The following CD2 variants were observed in gnomAD, a reference collection of about 807,000 sequenced individuals.
CD2 encodes the protein CD2 molecule.
A neutral mutation model predicts 23.2 loss-of-function variants in CD2; 18 were observed. The ratio of observed to expected loss-of-function variants is 0.77; its 90% CI spans 0.54 to 1.15. CD2 has a LOEUF of 1.15. Ranked by LOEUF, CD2 falls within the 50% of genes most tolerant of loss-of-function variation. The pLI is 0.00. For missense variants in CD2, 424 were observed against 423.1 expected, an observed-to-expected ratio of 1.00 and a Z score of -0.02; for synonymous variants, 162 against 151.9, an observed-to-expected ratio of 1.07 and a Z score of -0.49.
In CD2 at chr1:116,768,885, T is replaced by C. The variant is rs1652308315; in HGVS notation, c.*102T>C. 19 of 1,179,878 alleles carry C rather than the reference T, an allele frequency of 1.6e-5. No homozygotes were observed. The highest frequency in any genetic ancestry group is 3.1e-5 in the African/African-American group (2 of 64,624). The allele number at this position is 1,179,878 out of a possible 1,614,324, so 73.1% of individuals were successfully genotyped here. A position where few individuals can be genotyped will look rare whatever the true frequency, so the allele number is the denominator to read the frequency against. On this transcript the variant is annotated 3_prime_UTR_variant, in exon 5 of 5. Coordinates refer to ENST00000369478, the MANE Select transcript of CD2 (RefSeq NM_001767.5). ...TGAGGTGTTTTCTGTGTGCAGAACA[T>C]TGTCACCTCCTGAGGCTGTGGGCCA...
At position 116,768,486 on chromosome 1, in the gene CD2, C is replaced by T; in HGVS notation, c.759C>T (p.Ala253=). The change falls in exon 5 of 5, where the codon GCC becomes GCT. Residue 253 remains alanine (A), a synonymous_variant. Transcript: ENST00000369478. ...CAGATGAGGAGCTGGAGACAAGAGC[C>T]CACAGAGTAGCTACTGAAGAAAGGG... ...RRNDEELETR[A]HRVATEERGR... is the part of the protein sequence containing the mutation. The T allele has an allele frequency of 2.5e-6, 4 of 1,613,942 alleles. No homozygotes were observed. Among genetic ancestry groups the T allele is most frequent in the Non-Finnish European group, 3.4e-6 (4 of 1,179,896 alleles).
rs778678941 is a variant in CD2 at position 116,754,867 on chromosome 1, G to A, written c.298G>A (p.Asp100Asn). Reference sequence around the variant, plus strand: ...TCTGAAAATTAAGCATCTGAAGACCGATGATCAGGATATCTACAAGGTATC... The same window carrying A: ...TCTGAAAATTAAGCATCTGAAGACCAATGATCAGGATATCTACAAGGTATC... Reference protein sequence around the residue: ...GTLKIKHLKTDDQDIYKVSIY... With the variant: ...GTLKIKHLKTNDQDIYKVSIY... Residue 100 changes from aspartate (D) to asparagine (N), a missense_variant, in exon 2 of 5, where the codon GAT becomes AAT. Asp to Asn is a conservative substitution (Grantham distance 23). Transcript: ENST00000369478. 19 of 1,612,230 alleles carry A rather than the reference G, an allele frequency of 1.2e-5. No homozygotes were observed. The highest frequency in any genetic ancestry group is 2.2e-5 in the South Asian group (2 of 91,014).
rs536233911 is a variant in CD2 at position 116,764,320 on chromosome 1, A to G, written c.614-164A>G. Reference sequence around the variant, plus strand: ...CTTCCCAAGGACCTTGGGTCCTTCCAGGGTTGACACCACTCACCACCCTCT... The same window carrying G: ...CTTCCCAAGGACCTTGGGTCCTTCCGGGGTTGACACCACTCACCACCCTCT... On this transcript the variant is annotated intron_variant, in intron 3 of 4. Transcript: ENST00000369478. The G allele has an allele frequency of 1.8e-5, 12 of 675,954 alleles. No individual in the cohort carries two copies. In the South Asian group the frequency reaches 5.9e-4, roughly 33 times the overall value. 41.9% of individuals were successfully genotyped at this position (675,954 alleles called of 1,614,324 possible). A position where few individuals can be genotyped will look rare whatever the true frequency, so the allele number is the denominator to read the frequency against.
chr1:116,765,618 C>CCA (rs1022414784), intron 4 of CD2, among the ~76,000 whole-genome samples: 3 of 152,204 alleles, frequency 2.0e-5, no homozygotes, highest in African/African-American at 7.2e-5. Flanking sequence ...TTCTTCCCAC[C>CCA]ACGACTGTCC....
At chr1:116,754,582 C>T (rs768204764) in intron 1 of CD2, 29 bp downstream of exon 1, 1 of 1,610,550 alleles carries the variant, frequency 6.2e-7, no homozygotes, top group Non-Finnish European at 8.5e-7. Context: ...GAAGTCCCAA[C>T]CCAGCTTTCC....
chr1:116,761,428 A>G (rs1013536036), intron 3 of CD2, among the ~76,000 whole-genome samples: 13 of 152,200 alleles, frequency 8.5e-5, no homozygotes, highest in Non-Finnish European at 4.4e-5. Flanking sequence ...TTCACAGACT[A>G]TTAGATGAGT....
Position 116,754,508 on chromosome 1 carries a change from A to G in CD2, c.16A>G (p.Lys6Glu), listed in dbSNP as rs1469572192. MSFPC[K>E]FVASFLLIFN... ...AACCCCTAAGATGAGCTTTCCATGT[A>G]AATTTGTAGCCAGCTTCCTTCTGAT... Residue 6 changes from lysine to glutamate, a missense_variant, in exon 1 of 5, where the codon AAA becomes GAA. Transcript: ENST00000369478. The G allele has an allele frequency of 1.9e-5, 31 of 1,613,940 alleles. No individual in the cohort carries two copies. Among genetic ancestry groups the G allele is most frequent in the Non-Finnish European group, 2.5e-5 (30 of 1,179,994 alleles).
intron 3 of CD2, among the ~76,000 whole-genome samples, chr1:116,764,013 A>G (rs1171335024): frequency 1.3e-5 from 2 of 152,108 alleles, no homozygotes; most frequent in Non-Finnish European, 2.9e-5. Context: ...GGGGGTAGCC[A>G]GAGACGAGAG....
At position 116,760,475 on chromosome 1, in the gene CD2, T is replaced by C. The variant is rs776714889; in HGVS notation, c.456T>C (p.Thr152=). 1 of 1,614,250 alleles carries C rather than the reference T, an allele frequency of 6.2e-7. No individual in the cohort carries two copies. Among genetic ancestry groups the C allele is most frequent in the Admixed American group, 1.7e-5 (1 of 60,032 alleles). The change falls in exon 3 of 5, where the codon ACT becomes ACC. Residue 152 remains threonine, a synonymous_variant. Coordinates refer to ENST00000369478, the MANE Select transcript of CD2 (RefSeq NM_001767.5). The part of the protein sequence containing the change: ...TTLTCEVMNG[T]DPELNLYQDG... ...TGACCTGTGAGGTAATGAATGGAAC[T>C]GACCCCGAATTAAACCTGTATCAAG...
rs779845333 is a variant in CD2, at chr1:116,768,577, C to T, written c.850C>T (p.Pro284Ser). Residue 284 changes from proline to serine, a missense_variant, in exon 5 of 5, where the codon CCA (proline) becomes TCA (serine). Transcript: ENST00000369478. ...TCCAGCAACTTCCCAACATCCTCCT[C>T]CACCACCTGGTCATCGTTCCCAGGC... Reference protein sequence around the residue: ...QNPATSQHPPPPPGHRSQAPS... With the variant: ...QNPATSQHPPSPPGHRSQAPS... 3.2e-5 allele frequency: 52 copies of T among 1,614,018 alleles called. No homozygotes were observed. In the South Asian group the frequency reaches 4.8e-4, roughly 15 times the overall value.
chr1:116,757,773 AGAGG>A (rs200422966), intron 2 of CD2, among the ~76,000 whole-genome samples: 2,148 of 151,676 alleles, frequency 0.014, 21 homozygotes, highest in Middle Eastern at 0.041. Flanking sequence ...AGAGAGAGAG[AGAGG>A]CAGACAGAAA....
chr1:116,765,581 C>T (rs926367532), intron 4 of CD2, among the ~76,000 whole-genome samples: 15 of 152,072 alleles, frequency 9.9e-5, no homozygotes, highest in South Asian at 2.1e-4. Flanking sequence ...GCCCAGGCCC[C>T]GAAACATCAT....
chr1:116,760,461 G>A lies in CD2; in HGVS notation c.442G>A (p.Val148Ile), dbSNP rs760869613. The A allele has an allele frequency of 4.3e-6, 7 of 1,614,068 alleles. No homozygotes were observed. Among genetic ancestry groups the A allele is most frequent in the Middle Eastern group, 1.6e-4 (1 of 6,084 alleles). Residue 148 changes from valine (V) to isoleucine (I), a missense_variant, in exon 3 of 5, where the codon GTA becomes ATA. Val to Ile is a conservative substitution (Grantham distance 29, BLOSUM62 3). Transcript: ENST00000369478. ...TATCAACACAACCCTGACCTGTGAG[G>A]TAATGAATGGAACTGACCCCGAATT... ...TCINTTLTCEVMNGTDPELNL... is the reference protein window; with the variant it reads ...TCINTTLTCEIMNGTDPELNL...
At chr1:116,762,244 A>T (rs1214750143) in intron 3 of CD2, among the ~76,000 whole-genome samples, 1 of 152,206 alleles carries the variant, frequency 6.6e-6, no homozygotes, top group African/African-American at 2.4e-5. Flanking sequence ...TTTATCTGAA[A>T]TTCAAATTTA....
chr1:116,764,364 G>A, intron 3 of CD2, 120 bp from the exon 4 acceptor site: 2 of 1,443,626 alleles, frequency 1.4e-6, no homozygotes, highest in Non-Finnish European at 1.8e-6. Flanking sequence ...GGGAGTTATG[G>A]GGTGAAAGGT....
rs749451128 is a variant in CD2 at position 116,754,442 on chromosome 1, G to C, written c.-51G>C. The C allele has an allele frequency of 1.3e-6, 2 of 1,532,578 alleles. No individual in the cohort carries two copies. The highest frequency in any genetic ancestry group is 1.7e-5 in the Admixed American group (1 of 57,408). 94.9% of individuals were successfully genotyped at this position (1,532,578 alleles called of 1,614,324 possible). On this transcript the variant is annotated 5_prime_UTR_variant, in exon 1 of 5. Transcript: ENST00000369478. Reference sequence around the variant, plus strand: ...TGTGGACTCCACCAGTCTCACTTCAGTTCCTTTTGCATGAAGAGCTCAGAA... The same window carrying C: ...TGTGGACTCCACCAGTCTCACTTCACTTCCTTTTGCATGAAGAGCTCAGAA...
chr1:116,758,143 T>C (rs1313291506), intron 2 of CD2, among the ~76,000 whole-genome samples: 2 of 151,994 alleles, frequency 1.3e-5, no homozygotes, highest in African/African-American at 4.8e-5. Context: ...ATATTATTCA[T>C]TATTGACTTT....
chr1:116,755,039 T>G, intron 2 of CD2, 88 bp downstream of exon 2: 1 of 885,956 alleles, frequency 1.1e-6, no homozygotes, highest in Non-Finnish European at 1.7e-6. Context: ...TCCCCAGCGC[T>G]GACCTCTGCC....
chr1:116,758,536 C>A (rs1455142020), intron 2 of CD2, among the ~76,000 whole-genome samples: 1 of 152,126 alleles, frequency 6.6e-6, no homozygotes, highest in Non-Finnish European at 1.5e-5. Context: ...CCTAGTCCTG[C>A]AACCTTGAGT....
Sources: gnomAD v4.1 joint callset for allele counts (sites outside exome capture counted in the v4.1 genomes callset) on GRCh38, gnomAD v4.1.1 for gene constraint, MANE v1.5 for transcripts, NCBI Gene and HGNC (gene_info 2026-07-23, HGNC 2026-07-21) for gene names.